Variants in PIP4K2A observed in about 807,000 individuals in gnomAD.
PIP4K2A encodes phosphatidylinositol 5-phosphate 4-kinase type-2 alpha.
A neutral mutation model predicts 42.9 loss-of-function variants in PIP4K2A; 14 were observed. That is an observed-to-expected ratio of 0.33 (90% confidence interval 0.22 to 0.51). The LOEUF is 0.51. Among genes scored for constraint, PIP4K2A ranks in the 20% least tolerant of loss-of-function variants. The probability of loss-of-function intolerance (pLI) is 0.97; values close to 1 mark genes in which losing one functional copy is unlikely to be tolerated. For missense variants in PIP4K2A, 434 were observed against 519.8 expected (o/e 0.83, Z 1.61); for synonymous variants, 192 against 192.2 (o/e 1.00, Z 0.01).
intron 1 of PIP4K2A, among the ~76,000 whole-genome samples, chr10:22,613,261 T>C (rs1399499558): frequency 1.3e-5 from 2 of 151,764 alleles, no homozygotes; most frequent in Non-Finnish European, 2.9e-5. Flanking sequence ...GTTAAGGAAA[T>C]GCTGGCACTG....
intron 3 of PIP4K2A, among the ~76,000 whole-genome samples, chr10:22,600,430 G>C (rs1291175533): frequency 6.6e-6 from 1 of 152,072 alleles, no homozygotes; most frequent in Non-Finnish European, 1.5e-5. Context: ...GGGCCGGAGA[G>C]AGCACTGTGT....
At chr10:22,672,759 A>G (rs1265268837) in intron 1 of PIP4K2A, among the ~76,000 whole-genome samples, 2 of 152,230 alleles carry the variant, frequency 1.3e-5, no homozygotes, top group Non-Finnish European at 1.5e-5. Context: ...GATAACTCAC[A>G]TGAGTCACAC....
At chr10:22,596,701 A>T (rs1588652186) in intron 3 of PIP4K2A, among the ~76,000 whole-genome samples, 1 of 152,340 alleles carries the variant, frequency 6.6e-6, no homozygotes, top group South Asian at 2.1e-4. Context: ...GTATAAATAA[A>T]CCTCAAAGAG....
At chr10:22,550,520 C>T (rs539428684) in intron 7 of PIP4K2A, 139 bp downstream of exon 7, 50 of 672,816 alleles carry the variant, frequency 7.4e-5, no homozygotes, top group Non-Finnish European at 1.3e-4. Flanking sequence ...GAGACACCTT[C>T]ATGTCTGACT....
At chr10:22,701,915 T>C (rs946237464) in intron 1 of PIP4K2A, among the ~76,000 whole-genome samples, 4 of 152,130 alleles carry the variant, frequency 2.6e-5, no homozygotes, top group Admixed American at 6.5e-5. Flanking sequence ...ACCCAAGGTG[T>C]GAAGTCTAAT....
At chr10:22,679,027 T>C (rs995027932) in intron 1 of PIP4K2A, among the ~76,000 whole-genome samples, 9 of 152,224 alleles carry the variant, frequency 5.9e-5, no homozygotes, top group Non-Finnish European at 1.0e-4. Flanking sequence ...TGACTTGTGT[T>C]AGGCAATGGT....
At chr10:22,622,540 G>A (rs755367909) in intron 1 of PIP4K2A, among the ~76,000 whole-genome samples, 3 of 152,206 alleles carry the variant, frequency 2.0e-5, no homozygotes, top group Non-Finnish European at 2.9e-5. Context: ...GTCACTCCCC[G>A]AGGGGACACT....
chr10:22,662,661 G>T (rs547831417), intron 1 of PIP4K2A, among the ~76,000 whole-genome samples: 2 of 152,026 alleles, frequency 1.3e-5, no homozygotes, highest in Non-Finnish European at 1.5e-5. Flanking sequence ...CTTTTAGCCC[G>T]ATGACTGCTT....
At chr10:22,550,539 G>A (rs1588619002) in intron 7 of PIP4K2A, 120 bp downstream of exon 7, 3 of 712,924 alleles carry the variant, frequency 4.2e-6, no homozygotes, top group Non-Finnish European at 7.6e-6. Context: ...CTTCCCTAAG[G>A]TAGAGTATGC....
intron 6 of PIP4K2A, chr10:22,567,582 C>T: frequency 4.4e-6 from 3 of 686,834 alleles, no homozygotes; most frequent in South Asian, 1.5e-5. Context: ...GCACAGGTGG[C>T]TGTGTTTTTC....
intron 1 of PIP4K2A, among the ~76,000 whole-genome samples, chr10:22,619,148 G>A (rs1457603695): frequency 1.3e-5 from 2 of 151,822 alleles, no homozygotes; most frequent in African/African-American, 4.8e-5. Context: ...AATGAATATA[G>A]GTTGAAACAA....
rs555448078 is a variant in PIP4K2A, at chr10:22,640,358, G to A, written c.145-30641C>T. ...CCAAAAGAAACCTTAGCAACAATCA[G>A]GTGCTCTTTCTGCACACAGAAGAGC... On this transcript the variant is annotated intron_variant, in intron 1 of 9. Transcript: ENST00000376573. 4.2e-4 allele frequency among the ~76,000 whole-genome samples: 64 copies of A among 152,176 alleles called. 1 individual carries two copies. Among genetic ancestry groups the A allele is most frequent in the African/African-American group, 1.5e-3 (63 of 41,500 alleles).
chr10:22,706,372 C>G (rs942782871), intron 1 of PIP4K2A, among the ~76,000 whole-genome samples: 4 of 152,230 alleles, frequency 2.6e-5, no homozygotes, highest in Non-Finnish European at 2.9e-5. Context: ...GCCATGCCAG[C>G]TTTCCTGCAG....
At chr10:22,548,864 A>G (rs554731441) in intron 7 of PIP4K2A, among the ~76,000 whole-genome samples, 1 of 148,804 alleles carries the variant, frequency 6.7e-6, no homozygotes, top group Non-Finnish European at 1.5e-5. Context: ...TGCGCAACAA[A>G]GCAAGACCCT....
chr10:22,664,179 A>G (rs1377575135), intron 1 of PIP4K2A, among the ~76,000 whole-genome samples: 1 of 67,280 alleles, frequency 1.5e-5, no homozygotes, highest in Non-Finnish European at 2.5e-5. Flanking sequence ...ATATATATAT[A>G]TACATATATA....
rs1837961820 is a variant in PIP4K2A at position 22,608,633 on chromosome 10, A to G, written c.243-610T>C. ...TCATTTGTAATCCCAGCACTTTGGG[A>G]GACTGAGGTGGGAGGATTTCTTGAG... On this transcript the variant is annotated intron_variant, in intron 2 of 9. Transcript: ENST00000376573. 2.6e-5 allele frequency among the ~76,000 whole-genome samples: 4 copies of G among 152,132 alleles called. No individual in the cohort carries two copies. In the South Asian group the frequency reaches 8.3e-4, roughly 32 times the overall value.
intron 1 of PIP4K2A, among the ~76,000 whole-genome samples, chr10:22,673,327 AT>A (rs1839491448): frequency 6.6e-6 from 1 of 152,196 alleles, no homozygotes; most frequent in Non-Finnish European, 1.5e-5. Context: ...ACTGGGTTTT[AT>A]TCATTTTTGT....
At chr10:22,655,747 T>A (rs2130821383) in intron 1 of PIP4K2A, among the ~76,000 whole-genome samples, 1 of 152,328 alleles carries the variant, frequency 6.6e-6, no homozygotes, top group African/African-American at 2.4e-5. Flanking sequence ...CCGACATGCA[T>A]CTGTACCACG....
intron 1 of PIP4K2A, among the ~76,000 whole-genome samples, chr10:22,647,375 T>G (rs189813758): frequency 5.3e-5 from 8 of 152,212 alleles, no homozygotes; most frequent in Admixed American, 5.2e-4. Flanking sequence ...AGCTCTGTCT[T>G]AAAGCAAATA....
Sources: gnomAD v4.1 joint callset for allele counts (sites outside exome capture counted in the v4.1 genomes callset) on GRCh38, gnomAD v4.1.1 for gene constraint, MANE v1.5 for transcripts, NCBI Gene and HGNC (gene_info 2026-07-23, HGNC 2026-07-21) for gene names.